Variants in SCAMP4 observed in about 807,000 individuals in gnomAD.
SCAMP4 encodes the protein secretory carrier membrane protein 4.
A neutral mutation model predicts 32.1 loss-of-function variants in SCAMP4; 19 were observed. That is an observed-to-expected ratio of 0.59 (90% CI 0.41 to 0.87). The LOEUF is 0.87. Among genes scored for constraint, SCAMP4 ranks in the 40% least tolerant of loss-of-function variants. SCAMP4 has a pLI of 0.00. For synonymous variants in SCAMP4, 152 were observed against 132.7 expected, an observed-to-expected ratio of 1.15 and a Z score of -1.00; for missense variants, 302 against 309.0, an observed-to-expected ratio of 0.98 and a Z score of 0.17.
Position 1,920,999 on chromosome 19 carries a change from G to A in SCAMP4, c.395+2009G>A, listed in dbSNP as rs550957323. 42 of 985,444 alleles carry A rather than the reference G, an allele frequency of 4.3e-5. No homozygotes were observed. The East Asian group carries it at 4.5e-3, about 106-fold the overall frequency. The allele number at this position is 985,444 out of a possible 1,614,324, so 61.0% of individuals were successfully genotyped here. On this transcript the variant is annotated intron_variant, in intron 5 of 6. Transcript: ENST00000316097. ...GCTGAGCATGCGGTCCCTGCCCGAG[G>A]TGGACAGAAGGTGAACGCTCTTGAG...
At chr19:1,912,365 G>C (rs893889283) in intron 1 of SCAMP4, 1 of 1,527,094 alleles carries the variant, frequency 6.5e-7, no homozygotes, top group African/African-American at 1.4e-5. Context: ...CCCACGCCCT[G>C]GAGATGCTGC....
intron 5 of SCAMP4, chr19:1,922,278 G>A (rs942144065): frequency 1.1e-4 from 113 of 984,570 alleles, no homozygotes; most frequent in Non-Finnish European, 1.4e-4. Context: ...TTTTTATTTT[G>A]AGACAGAATC....
chr19:1,923,594 A>G (rs2013987882), intron 6 of SCAMP4, among the ~76,000 whole-genome samples: 1 of 140,960 alleles, frequency 7.1e-6, no homozygotes, highest in Admixed American at 7.2e-5. Flanking sequence ...CATAACAGAA[A>G]CTTTCAGTTA....
Position 1,924,301 on chromosome 19 carries a change from C to CCCCACCG in SCAMP4, c.*24_*30dup. On this transcript the variant is annotated 3_prime_UTR_variant, in exon 7 of 7. Transcript: ENST00000316097. ...TGGCCTTAGAGGGAGCCTGCCCTGC[C>CCCCACCG]CCCACCGCCCACCACCTCCTCCCCT... The CCCCACCG allele has an allele frequency of 6.4e-7, 1 of 1,567,802 alleles. No individual in the cohort carries two copies. The highest frequency in any genetic ancestry group is 1.4e-5 in the African/African-American group (1 of 74,042).
Position 1,924,612 on chromosome 19 carries a change from C to A in SCAMP4, c.*328C>A. On this transcript the variant is annotated 3_prime_UTR_variant, in exon 7 of 7. Transcript: ENST00000316097. ...GTCTTCAGGTCTCGAGGCCTGACTCCGGGGGACAGGTGGCAGCAGGTCGGC... is the reference window on the plus strand; with the variant it reads ...GTCTTCAGGTCTCGAGGCCTGACTCAGGGGGACAGGTGGCAGCAGGTCGGC... 1 of 325,046 alleles carries A rather than the reference C, an allele frequency of 3.1e-6. No individual in the cohort carries two copies. The highest frequency in any genetic ancestry group is 3.8e-5 in the South Asian group (1 of 26,170). 20.1% of individuals were successfully genotyped at this position (325,046 alleles called of 1,614,324 possible). A position where few individuals can be genotyped will look rare whatever the true frequency, so the allele number is the denominator to read the frequency against.
chr19:1,917,569 C>A, intron 2 of SCAMP4, 125 bp from the exon 3 acceptor site: 1 of 1,059,346 alleles, frequency 9.4e-7, no homozygotes, highest in Non-Finnish European at 1.4e-6. Context: ...GCGTCCTGCC[C>A]TCAATCCCAA....
intron 1 of SCAMP4, chr19:1,914,660 T>G: frequency 2.3e-6 from 1 of 425,628 alleles, no homozygotes; most frequent in South Asian, 2.3e-5. Flanking sequence ...GCCCACCCCT[T>G]GTGGGCTGAA....
intron 5 of SCAMP4, chr19:1,921,260 C>G: frequency 2.8e-5 from 28 of 985,414 alleles, no homozygotes; most frequent in Non-Finnish European, 3.3e-5. Flanking sequence ...CCCCGCTCTC[C>G]CTGCCCCGGG....
At chr19:1,918,018 G>T in intron 3 of SCAMP4, 109 bp from the exon 4 acceptor site, 2 of 1,431,002 alleles carry the variant, frequency 1.4e-6, no homozygotes, top group East Asian at 2.3e-5. Context: ...CTCGACATGG[G>T]GTCACTGGGC....
At chr19:1,911,948 G>A (rs2013472970) in intron 1 of SCAMP4, 4 of 1,384,944 alleles carry the variant, frequency 2.9e-6, no homozygotes, top group Non-Finnish European at 3.7e-6. Context: ...CGGAGCCCTC[G>A]GACTAGCCTC....
At chr19:1,917,428 G>A (rs748599736) in intron 2 of SCAMP4, among the ~76,000 whole-genome samples, 1 of 152,256 alleles carries the variant, frequency 6.6e-6, no homozygotes, top group Non-Finnish European at 1.5e-5. Context: ...GTCTAGAGGC[G>A]CCCCCATCCC....
chr19:1,921,818 GAA>G lies in SCAMP4; in HGVS notation c.396-1242_396-1241del, dbSNP rs76467045. 5 of 876,994 alleles carry G rather than the reference GAA, an allele frequency of 5.7e-6. No homozygotes were observed. The Admixed American group carries it at 2.0e-4, about 34-fold the overall frequency. 54.3% of individuals were successfully genotyped at this position (876,994 alleles called of 1,614,324 possible). On this transcript the variant is annotated intron_variant, in intron 5 of 6. Coordinates refer to ENST00000316097, the MANE Select transcript of SCAMP4 (RefSeq NM_079834.4). ...AACATAGGGAGAAACCATCTCTCCA[GAA>G]AAAAAAAAAGAGGAAGGAATGACCC...
In SCAMP4 at chr19:1,918,988, G is replaced by C. The variant is rs201790720; in HGVS notation, c.393G>C (p.Ala131=). 1.9e-6 allele frequency: 3 copies of C among 1,604,046 alleles called. No individual in the cohort carries two copies. Among genetic ancestry groups the C allele is most frequent in the South Asian group, 1.1e-5 (1 of 89,158 alleles). The change falls in exon 5 of 7, where the codon GCG becomes GCC. Residue 131 remains alanine (A), a splice_region_variant and synonymous_variant. Coordinates refer to ENST00000316097, the MANE Select transcript of SCAMP4 (RefSeq NM_079834.4). The part of the protein sequence containing the change: ...IQAIGFSGWG[A]CGWLSAIGFF... ...CGATTGGCTTCTCCGGCTGGGGCGCGTGGTAAGCCTCTCTCTGATGGGCGT... is the reference window on the plus strand; with the variant it reads ...CGATTGGCTTCTCCGGCTGGGGCGCCTGGTAAGCCTCTCTCTGATGGGCGT...
At chr19:1,912,828 C>T in intron 1 of SCAMP4, 1 of 1,591,112 alleles carries the variant, frequency 6.3e-7, no homozygotes. Context: ...CGACTTCAGA[C>T]CCTTCCCCGC....
chr19:1,918,999 C>T lies in SCAMP4; in HGVS notation c.395+9C>T, dbSNP rs965134724. The T allele has an allele frequency of 2.5e-6, 4 of 1,599,066 alleles. No individual in the cohort carries two copies. The African/African-American group carries it at 5.4e-5, about 21-fold the overall frequency. On this transcript the variant is annotated intron_variant, in intron 5 of 6. Transcript: ENST00000316097. ...TCCGGCTGGGGCGCGTGGTAAGCCT[C>T]TCTCTGATGGGCGTGGTGGCTGTGA...
intron 5 of SCAMP4, chr19:1,921,406 G>A: frequency 2.0e-6 from 2 of 985,420 alleles, no homozygotes; most frequent in Admixed American, 6.1e-5. Flanking sequence ...GATGGTGAGG[G>A]TGGCCACATG....
chr19:1,911,793 A>C (rs2013462730), intron 1 of SCAMP4: 2 of 407,652 alleles, frequency 4.9e-6, no homozygotes, highest in East Asian at 3.7e-5. Flanking sequence ...AAGTAAAAAA[A>C]TAAAATAAAA....
Position 1,918,101 on chromosome 19 carries a change from C to A in SCAMP4, c.137-26C>A, listed in dbSNP as rs370997241. 10 of 1,592,812 alleles carry A rather than the reference C, an allele frequency of 6.3e-6. No individual in the cohort carries two copies. In the African/African-American group the frequency reaches 1.1e-4, roughly 17 times the overall value. On this transcript the variant is annotated intron_variant, in intron 3 of 6. Coordinates refer to ENST00000316097, the MANE Select transcript of SCAMP4 (RefSeq NM_079834.4). ...ACGGCCACACCCTCCCGTGCCTGCT[C>A]ATCCGTCCTCCCTCTCTCTTCGCAG...
chr19:1,909,167 G>A (rs550134810), intron 1 of SCAMP4, among the ~76,000 whole-genome samples: 56 of 152,224 alleles, frequency 3.7e-4, no homozygotes, highest in African/African-American at 1.3e-3. Flanking sequence ...TCAGGCCTGC[G>A]GTGCGAGTCT....
Sources: allele counts gnomAD v4.1 joint callset (sites outside exome capture counted in the v4.1 genomes callset), GRCh38; gene constraint gnomAD v4.1.1; transcripts MANE v1.5; gene names NCBI Gene and HGNC (gene_info 2026-07-23, HGNC 2026-07-21).